The following HDC variants were observed in gnomAD, a reference collection of about 807,000 sequenced individuals.
HDC encodes histidine decarboxylase.
HDC carries 27 observed loss-of-function variants against 64.4 expected under a neutral mutation model. The observed-to-expected ratio is 0.42, with a 90% CI of 0.31 to 0.58. The LOEUF is 0.58. HDC is among the 20% of genes least tolerant of loss of function. The probability of loss-of-function intolerance (pLI) is 0.16; values close to 1 mark genes in which losing one functional copy is unlikely to be tolerated. For missense variants in HDC, 711 were observed against 833.9 expected (o/e 0.85, Z 1.81); for synonymous variants, 305 against 314.2 (o/e 0.97, Z 0.31).
At chr15:50,262,833 G>A (rs984229473) in intron 2 of HDC, among the ~76,000 whole-genome samples, 5 of 151,994 alleles carry the variant, frequency 3.3e-5, no homozygotes, top group Admixed American at 6.5e-5. Context: ...CTCTGGCTCC[G>A]TCGTCAGGGC....
chr15:50,252,669 G>A lies in HDC; in HGVS notation c.893C>T (p.Ser298Phe). The A allele has an allele frequency of 6.2e-7, 1 of 1,614,148 alleles. No individual in the cohort carries two copies. The highest frequency in any genetic ancestry group is 1.1e-5 in the South Asian group (1 of 91,080). Reference protein sequence around the residue: ...GFLKGIEYADSFTFNPSKWMM... With the variant: ...GFLKGIEYADFFTFNPSKWMM... ...CCACTTGGAAGGATTAAAGGTGAAGGAGTCGGCATACTCAATCCCCTTCAG... is the reference window on the plus strand; with the variant it reads ...CCACTTGGAAGGATTAAAGGTGAAGAAGTCGGCATACTCAATCCCCTTCAG... Residue 298 changes from serine (S) to phenylalanine (F), a missense_variant, in exon 8 of 12, where the codon TCC becomes TTC. This residue lies in a region of HDC where 483 missense variants were observed against 540.9 expected (regional missense o/e 0.89). Coordinates refer to ENST00000267845, the MANE Select transcript of HDC (RefSeq NM_002112.4).
rs144086709 is a variant in HDC, at chr15:50,250,569, T to A, written c.1041+1861A>T. Among the ~76,000 whole-genome samples the A allele has an allele frequency of 2.0e-5, 3 of 152,256 alleles. No individual in the cohort carries two copies. The East Asian group carries it at 5.8e-4, about 29-fold the overall frequency. On this transcript the variant is annotated intron_variant, in intron 9 of 11. Coordinates refer to ENST00000267845, the MANE Select transcript of HDC (RefSeq NM_002112.4). ...GAAGATCCTGAGGCACTGTGGTAAA[T>A]GAATTTAAACGGTAACATGAAATTC...
At chr15:50,250,476 A>G (rs943606904) in intron 9 of HDC, among the ~76,000 whole-genome samples, 10 of 152,166 alleles carry the variant, frequency 6.6e-5, no homozygotes, top group African/African-American at 2.4e-4. Context: ...TTACTCTAAC[A>G]TTTTTATGAG....
chr15:50,243,294 CTA>C (rs749148185), intron 10 of HDC, 50 bp from the exon 11 acceptor site: 8 of 1,228,622 alleles, frequency 6.5e-6, no homozygotes, highest in South Asian at 1.2e-5. Context: ...AGACAAGAGA[CTA>C]TGCATAAACT....
chr15:50,253,591 G>A lies in HDC; in HGVS notation c.787+9C>T, dbSNP rs370051556. On this transcript the variant is annotated intron_variant, in intron 7 of 11. Transcript: ENST00000267845. ...CTTGTCTTCCTAGCCACAGAGGGAA[G>A]ATACTTACAGATGGGGCCCAGCTCT... The A allele has an allele frequency of 6.8e-6, 11 of 1,612,284 alleles. No individual in the cohort carries two copies. In the African/African-American group the frequency reaches 1.2e-4, roughly 18 times the overall value.
Position 50,248,167 on chromosome 15 carries a change from C to T in HDC, c.1140+78G>A. ...ACCGCAAGTCTCCTAGGCAGATCTGCAAAGTAGAAACCAGCCTTCCTCGCC... is the reference window on the plus strand; with the variant it reads ...ACCGCAAGTCTCCTAGGCAGATCTGTAAAGTAGAAACCAGCCTTCCTCGCC... On this transcript the variant is annotated intron_variant, in intron 10 of 11. Transcript: ENST00000267845. This position sits in a 1 kb window ranked among gnomAD's most constrained non-coding sequence, Gnocchi z 4.3. The T allele has an allele frequency of 9.6e-7, 1 of 1,043,032 alleles. No homozygotes were observed. The highest frequency in any genetic ancestry group is 1.3e-5 in the South Asian group (1 of 76,128). 64.6% of individuals were successfully genotyped at this position (1,043,032 alleles called of 1,614,324 possible).
intron 10 of HDC, among the ~76,000 whole-genome samples, chr15:50,244,285 CTTTTTTTT>C (rs554623599): frequency 1.9e-3 from 199 of 105,178 alleles, no homozygotes; most frequent in South Asian, 7.3e-3. Flanking sequence ...AGCTGAACCT[CTTTTTTTT>C]TTTTTTTTTT....
At chr15:50,243,300 A>C (rs529232074) in intron 10 of HDC, 56 bp from the exon 11 acceptor site, 20 of 1,172,962 alleles carry the variant, frequency 1.7e-5, no homozygotes, top group Admixed American at 5.1e-5. Flanking sequence ...GAGACTATGC[A>C]TAAACTTTCA....
chr15:50,263,066 A>G (rs1428825695), intron 2 of HDC, among the ~76,000 whole-genome samples, 169 bp downstream of exon 2: 3 of 152,190 alleles, frequency 2.0e-5, no homozygotes, highest in African/African-American at 7.2e-5. Context: ...AATACCAGTC[A>G]AAGTCCTGCC....
At chr15:50,249,808 T>C (rs1211842744) in intron 9 of HDC, among the ~76,000 whole-genome samples, 1 of 152,250 alleles carries the variant, frequency 6.6e-6, no homozygotes, top group African/African-American at 2.4e-5. Context: ...TAAACCAGGA[T>C]AGGCAGAGGT....
Position 50,248,318 on chromosome 15 carries a change from C to G in HDC, c.1067G>C (p.Arg356Pro). The change falls in exon 10 of 12, where the codon CGG becomes CCG. Residue 356 changes from arginine (R) to proline (P), a missense_variant. This residue lies in a region of HDC where 483 missense variants were observed against 540.9 expected (regional missense o/e 0.89). Coordinates refer to ENST00000267845, the MANE Select transcript of HDC (RefSeq NM_002112.4). The surrounding 1 kb of genome is among the most constrained non-coding windows in gnomAD (Gnocchi z 4.3). Reference protein sequence around the residue: ...FMHWQIPLSRRFRSVKLWFVI... With the variant: ...FMHWQIPLSRPFRSVKLWFVI... ...GAACCAGAGTTTAACAGAGCGAAACCGTCGGCTCAGGGGGATCTGCCAGTG... is the reference window on the plus strand; with the variant it reads ...GAACCAGAGTTTAACAGAGCGAAACGGTCGGCTCAGGGGGATCTGCCAGTG... 1 of 1,614,072 alleles carries G rather than the reference C, an allele frequency of 6.2e-7. No homozygotes were observed. The highest frequency in any genetic ancestry group is 8.5e-7 in the Non-Finnish European group (1 of 1,179,928).
At chr15:50,254,369 T>C in intron 5 of HDC, 96 bp from the exon 6 acceptor site, 1 of 1,552,270 alleles carries the variant, frequency 6.4e-7, no homozygotes, top group South Asian at 1.1e-5. Context: ...CCAAATATGA[T>C]CATTGGAAGC....
Position 50,254,122 on chromosome 15 carries a change from T to C in HDC, c.720+8A>G. The C allele has an allele frequency of 1.2e-6, 2 of 1,614,160 alleles. No homozygotes were observed. Among genetic ancestry groups the C allele is most frequent in the Non-Finnish European group, 1.7e-6 (2 of 1,180,006 alleles). Reference sequence around the variant, plus strand: ...TCATTCTAAGCTTAGGCATATATCCTGACTTACAAAGACGGGCACCAAGCC... The same window carrying C: ...TCATTCTAAGCTTAGGCATATATCCCGACTTACAAAGACGGGCACCAAGCC... On this transcript the variant is annotated splice_region_variant and intron_variant, in intron 6 of 11. Coordinates refer to ENST00000267845, the MANE Select transcript of HDC (RefSeq NM_002112.4).
At chr15:50,245,857 C>T (rs911583663) in intron 10 of HDC, among the ~76,000 whole-genome samples, 1 of 152,058 alleles carries the variant, frequency 6.6e-6, no homozygotes, top group Non-Finnish European at 1.5e-5. Flanking sequence ...GATGGCACTA[C>T]CGCACTTCAG....
chr15:50,242,298 G>A lies in HDC; in HGVS notation c.1951C>T (p.Leu651Phe), dbSNP rs2045404079. 2 of 1,614,032 alleles carry A rather than the reference G, an allele frequency of 1.2e-6. No homozygotes were observed. Among genetic ancestry groups the A allele is most frequent in the Admixed American group, 1.7e-5 (1 of 60,004 alleles). The part of the protein sequence containing the change: ...SFPECSSQCG[L>F]QLPCCPLQAM... ...TGCAGAGGGCAACAGGGCAGCTGGAGTCCACATTGAGAGCTGCATTCAGGA... is the reference window on the plus strand; with the variant it reads ...TGCAGAGGGCAACAGGGCAGCTGGAATCCACATTGAGAGCTGCATTCAGGA... Residue 651 changes from leucine to phenylalanine, a missense_variant, in exon 12 of 12, where the codon CTC (leucine) becomes TTC (phenylalanine). Physicochemically the swap from Leu to Phe is conservative, Grantham distance 22. Around this residue, in one of 3 missense-constraint regions of HDC, gnomAD observed 483 missense variants for 540.9 expected, o/e 0.89. Coordinates refer to ENST00000267845, the MANE Select transcript of HDC (RefSeq NM_002112.4).
chr15:50,251,324 T>C (rs2045551269), intron 9 of HDC, among the ~76,000 whole-genome samples: 1 of 152,240 alleles, frequency 6.6e-6, no homozygotes, highest in Non-Finnish European at 1.5e-5. Context: ...CTACCATATA[T>C]TGAGCACTTG....
chr15:50,253,170 C>A (rs2045581286), intron 7 of HDC: 2 of 377,618 alleles, frequency 5.3e-6, no homozygotes, highest in South Asian at 5.0e-5. Flanking sequence ...ATTAAACAGT[C>A]CCATCTGGGT....
At chr15:50,252,328 T>A (rs1280683635) in intron 9 of HDC, 102 bp downstream of exon 9, 1 of 847,202 alleles carries the variant, frequency 1.2e-6, no homozygotes, top group Non-Finnish European at 2.0e-6. Context: ...CATAGTGTGC[T>A]GCCTTCTGAA....
chr15:50,264,557 T>C (rs1399080827), intron 1 of HDC, among the ~76,000 whole-genome samples: 1 of 152,228 alleles, frequency 6.6e-6, no homozygotes, highest in Non-Finnish European at 1.5e-5. Flanking sequence ...TTCTTTCAGA[T>C]TGCAGTCTTC....
Sources: allele counts gnomAD v4.1 joint callset (sites outside exome capture counted in the v4.1 genomes callset), GRCh38; gene constraint gnomAD v4.1.1; regional missense constraint gnomAD v4.1.1; non-coding constraint Gnocchi (gnomAD v3.1); transcripts MANE v1.5; gene names NCBI Gene and HGNC (gene_info 2026-07-23, HGNC 2026-07-21).